WDFY2: variants seen among roughly 807,000 people sequenced by gnomAD.
WDFY2 encodes the protein WD repeat and FYVE domain containing 2.
WDFY2 carries 36 observed loss-of-function variants against 56.4 expected under a neutral mutation model. The ratio of observed to expected loss-of-function variants is 0.64; its 90% CI spans 0.49 to 0.84. WDFY2 has a LOEUF of 0.84. Ranked by LOEUF, WDFY2 falls within the 40% of genes least tolerant of loss-of-function variation. The pLI is 0.00. For synonymous variants in WDFY2, 176 were observed against 183.7 expected, an observed-to-expected ratio of 0.96 and a Z score of 0.34; for missense variants, 444 against 512.2, an observed-to-expected ratio of 0.87 and a Z score of 1.29.
intron 2 of WDFY2, among the ~76,000 whole-genome samples, chr13:51,670,681 G>T (rs557026951): frequency 1.2e-4 from 18 of 152,236 alleles, no homozygotes; most frequent in African/African-American, 3.9e-4. Context: ...AGAACAGTAA[G>T]ATTTCTGTTC....
chr13:51,594,602 G>C (rs1412443284), intron 1 of WDFY2, among the ~76,000 whole-genome samples: 2 of 152,162 alleles, frequency 1.3e-5, no homozygotes, highest in Non-Finnish European at 2.9e-5. Context: ...TAGCTAATGA[G>C]TTTTTCTTGA....
chr13:51,747,351 T>G (rs1482620735), intron 7 of WDFY2, among the ~76,000 whole-genome samples: 2 of 152,180 alleles, frequency 1.3e-5, no homozygotes, highest in African/African-American at 2.4e-5. Flanking sequence ...AATAACGACA[T>G]CAGGAAATCT....
intron 4 of WDFY2, among the ~76,000 whole-genome samples, chr13:51,712,991 T>A (rs1566167548): frequency 6.6e-6 from 1 of 152,314 alleles, no homozygotes; most frequent in East Asian, 1.9e-4. Flanking sequence ...AGTTAAAACC[T>A]TCCCACAAAG....
At position 51,675,179 on chromosome 13, in the gene WDFY2, C is replaced by G; in HGVS notation, c.215C>G (p.Ser72Ter). The change falls in exon 3 of 12, where the codon TCA becomes TGA. Residue 72 changes from serine (S) to a stop codon, truncating the protein, a stop_gained. Coordinates refer to ENST00000298125, the MANE Select transcript of WDFY2 (RefSeq NM_052950.4). LOFTEE classifies it high-confidence loss of function. ...TGTTCATTTCTTTCAGCTCCATGTT[C>G]ATGCATGTCTTTTAACCCGGAAACA... ...SVYHAMPSPC[S>*]CMSFNPETRR... is the part of the protein sequence containing the mutation. 6.2e-7 allele frequency: 1 copy of G among 1,613,832 alleles called. No homozygotes were observed. Among genetic ancestry groups the G allele is most frequent in the Non-Finnish European group, 8.5e-7 (1 of 1,179,830 alleles).
chr13:51,605,000 A>G (rs1185697039), intron 1 of WDFY2, among the ~76,000 whole-genome samples: 1 of 152,226 alleles, frequency 6.6e-6, no homozygotes. Context: ...TCAGTTTCCT[A>G]GATGATAAGT....
chr13:51,687,669 T>A (rs1288092917), intron 3 of WDFY2, among the ~76,000 whole-genome samples: 1 of 152,038 alleles, frequency 6.6e-6, no homozygotes, highest in Non-Finnish European at 1.5e-5. Flanking sequence ...TGATTACCTC[T>A]CATATATTGT....
At chr13:51,698,476 T>C (rs891187433) in intron 3 of WDFY2, among the ~76,000 whole-genome samples, 18 of 152,188 alleles carry the variant, frequency 1.2e-4, no homozygotes, top group African/African-American at 3.6e-4. Context: ...TGGCAGCTAC[T>C]CTTAAAAATT....
intron 1 of WDFY2, among the ~76,000 whole-genome samples, chr13:51,638,916 T>G (rs1955103309): frequency 6.6e-6 from 1 of 152,214 alleles, no homozygotes; most frequent in Non-Finnish European, 1.5e-5. Flanking sequence ...GTTTGATAAA[T>G]TCTTGAAGAA....
rs565336692 is a variant in WDFY2, at chr13:51,674,527, A to C, written c.206-643A>C. Among the ~76,000 whole-genome samples the C allele has an allele frequency of 2.6e-5, 4 of 152,292 alleles. No homozygotes were observed. In the East Asian group the frequency reaches 7.7e-4, roughly 29 times the overall value. On this transcript the variant is annotated intron_variant, in intron 2 of 11. Coordinates refer to ENST00000298125, the MANE Select transcript of WDFY2 (RefSeq NM_052950.4). ...AGTCCAGGCCTGGGTGTACTGACTT[A>C]CCTGGTTTCTTTCCTACAATGCCAA...
chr13:51,636,113 G>A (rs935037013), intron 1 of WDFY2, among the ~76,000 whole-genome samples: 1 of 151,916 alleles, frequency 6.6e-6, no homozygotes, highest in Non-Finnish European at 1.5e-5. Flanking sequence ...CCCAACAATC[G>A]TCCATTAGGT....
chr13:51,736,061 G>T (rs1276010270), intron 6 of WDFY2, among the ~76,000 whole-genome samples: 1 of 152,150 alleles, frequency 6.6e-6, no homozygotes, highest in African/African-American at 2.4e-5. Flanking sequence ...ATGATGGCTG[G>T]GATAGCATAG....
chr13:51,724,555 G>T (rs886542383), intron 5 of WDFY2, among the ~76,000 whole-genome samples: 7 of 152,086 alleles, frequency 4.6e-5, no homozygotes, highest in African/African-American at 1.7e-4. Flanking sequence ...ATTTTTTAAA[G>T]ATTATTTTTT....
At chr13:51,689,592 G>C (rs990067468) in intron 3 of WDFY2, among the ~76,000 whole-genome samples, 1 of 152,096 alleles carries the variant, frequency 6.6e-6, no homozygotes, top group African/African-American at 2.4e-5. Flanking sequence ...CGGAGCCTAA[G>C]TGGGGGATTT....
intron 6 of WDFY2, among the ~76,000 whole-genome samples, chr13:51,736,450 C>A (rs1349606114): frequency 1.3e-5 from 2 of 152,146 alleles, no homozygotes; most frequent in African/African-American, 4.8e-5. Flanking sequence ...CCATAGTCAC[C>A]AACAAAGAAG....
chr13:51,623,272 G>A (rs892981273), intron 1 of WDFY2, among the ~76,000 whole-genome samples: 1 of 151,842 alleles, frequency 6.6e-6, no homozygotes, highest in African/African-American at 2.4e-5. Flanking sequence ...CAGGCCAAAA[G>A]ACATAAACCC....
At chr13:51,655,496 TTTCTC>T (rs1164609641) in intron 1 of WDFY2, among the ~76,000 whole-genome samples, 1 of 152,114 alleles carries the variant, frequency 6.6e-6, no homozygotes, top group Non-Finnish European at 1.5e-5. Context: ...CATTGATTGA[TTTCTC>T]TTATATTGAA....
intron 1 of WDFY2, among the ~76,000 whole-genome samples, chr13:51,626,046 G>T (rs941101551): frequency 6.6e-6 from 1 of 152,216 alleles, no homozygotes; most frequent in Non-Finnish European, 1.5e-5. Flanking sequence ...TACACCAGTG[G>T]CCTGACAGCA....
chr13:51,688,629 C>T (rs1219789454), intron 3 of WDFY2, among the ~76,000 whole-genome samples: 1 of 152,108 alleles, frequency 6.6e-6, no homozygotes, highest in Non-Finnish European at 1.5e-5. Context: ...CTCTAAAACT[C>T]CACAAAATCC....
At chr13:51,591,109 AG>A (rs1437779810) in intron 1 of WDFY2, 1 of 152,168 alleles carries the variant, frequency 6.6e-6, no homozygotes, top group African/African-American at 2.4e-5. Flanking sequence ...CTGGCAAAGG[AG>A]GGGGTTAGAT....
Sources: gnomAD v4.1 joint callset for allele counts (sites outside exome capture counted in the v4.1 genomes callset) on GRCh38, gnomAD v4.1.1 for gene constraint, MANE v1.5 for transcripts, NCBI Gene and HGNC (gene_info 2026-07-23, HGNC 2026-07-21) for gene names.